The following RYR2 variants were observed in gnomAD, a reference collection of about 807,000 sequenced individuals.
The protein encoded by RYR2 is cardiac muscle ryanodine receptor-calcium release channel.
Under a neutral mutation model 601.1 loss-of-function variants are expected in RYR2, and 227 were observed. That is an observed-to-expected ratio of 0.38 (90% confidence interval 0.34 to 0.42). RYR2 has a LOEUF of 0.42. RYR2 is among the 10% of genes least tolerant of loss of function. RYR2 has a pLI of 1.00. For missense variants in RYR2, 4,646 were observed against 6,156.5 expected (o/e 0.75, Z 8.21); for synonymous variants, 2,223 against 2,175.1 (o/e 1.02, Z -0.61).
chr1:237,456,598 A>G lies in RYR2; in HGVS notation c.1477-2A>G. 1 of 1,491,140 alleles carries G rather than the reference A, an allele frequency of 6.7e-7. No individual in the cohort carries two copies. Among genetic ancestry groups the G allele is most frequent in the Non-Finnish European group, 9.0e-7 (1 of 1,112,240 alleles). 92.4% of individuals were successfully genotyped at this position (1,491,140 alleles called of 1,614,324 possible). A position where few individuals can be genotyped will look rare whatever the true frequency, so the allele number is the denominator to read the frequency against. On this transcript the variant is annotated splice_acceptor_variant, in intron 15 of 104. Coordinates refer to ENST00000366574, the MANE Select transcript of RYR2 (RefSeq NM_001035.3). LOFTEE classifies it high-confidence loss of function. Reference sequence around the variant, plus strand: ...TGATTTTTTTTTTTTTTAACGTTCCAGGGAATGATCAACCTCGTGCTTGAG... The same window carrying G: ...TGATTTTTTTTTTTTTTAACGTTCCGGGGAATGATCAACCTCGTGCTTGAG...
chr1:237,668,758 T>C (rs181427234), intron 58 of RYR2, among the ~76,000 whole-genome samples: 2 of 152,344 alleles, frequency 1.3e-5, no homozygotes, highest in African/African-American at 4.8e-5. Context: ...GGATATTTCA[T>C]GGTGAAAGGT....
intron 99 of RYR2, among the ~76,000 whole-genome samples, chr1:237,808,023 A>G (rs1353774567): frequency 6.6e-6 from 1 of 152,216 alleles, no homozygotes; most frequent in Non-Finnish European, 1.5e-5. Flanking sequence ...ATAGCTATCC[A>G]AAAATTAAAG....
chr1:237,270,664 T>C, intron 2 of RYR2, 48 bp downstream of exon 2: 2 of 1,548,950 alleles, frequency 1.3e-6, no homozygotes, highest in Non-Finnish European at 1.7e-6. Flanking sequence ...GTTTTACTAG[T>C]GGCATTGAAG....
At chr1:237,654,213 TGA>T in intron 51 of RYR2, 59 bp from the exon 52 acceptor site, 1 of 1,555,106 alleles carries the variant, frequency 6.4e-7, no homozygotes. Context: ...TGAGGAGAAA[TGA>T]AAAAAAAATA....
intron 2 of RYR2, among the ~76,000 whole-genome samples, chr1:237,299,826 C>T (rs1004858411): frequency 7.9e-5 from 12 of 152,096 alleles, no homozygotes; most frequent in African/African-American, 1.7e-4. Context: ...CTGTGGATCC[C>T]GGAGATGCTG....
chr1:237,161,132 G>T lies in RYR2; in HGVS notation c.49-109365G>T, dbSNP rs914056764. On this transcript the variant is annotated intron_variant, in intron 1 of 104. Coordinates refer to ENST00000366574, the MANE Select transcript of RYR2 (RefSeq NM_001035.3). ...TGTAGACTCTGCATGCAAATATTATGGGTAAAAAGAACCATTTAAGTATTT... is the reference window on the plus strand; with the variant it reads ...TGTAGACTCTGCATGCAAATATTATTGGTAAAAAGAACCATTTAAGTATTT... 7.7e-4 allele frequency among the ~76,000 whole-genome samples: 117 copies of T among 152,048 alleles called. 1 individual carries two copies. Among genetic ancestry groups the T allele is most frequent in the Non-Finnish European group, 1.6e-4 (11 of 67,980 alleles).
intron 4 of RYR2, among the ~76,000 whole-genome samples, chr1:237,363,411 T>C (rs1039397477): frequency 7.9e-5 from 12 of 152,074 alleles, no homozygotes; most frequent in African/African-American, 2.9e-4. Context: ...GAATTTCCCT[T>C]TAATAATATA....
chr1:237,694,529 A>G (rs958500832), intron 63 of RYR2, among the ~76,000 whole-genome samples: 1 of 152,106 alleles, frequency 6.6e-6, no homozygotes, highest in African/African-American at 2.4e-5. Context: ...TATTTCCTGG[A>G]TTTAACTTAT....
At chr1:237,483,380 C>T (rs931406134) in intron 17 of RYR2, among the ~76,000 whole-genome samples, 9 of 152,152 alleles carry the variant, frequency 5.9e-5, no homozygotes, top group African/African-American at 2.2e-4. Context: ...ACATGTATTG[C>T]TATTCATAAC....
intron 92 of RYR2, among the ~76,000 whole-genome samples, 186 bp from the exon 93 acceptor site, chr1:237,791,243 T>C (rs192116768): frequency 2.6e-5 from 4 of 152,334 alleles, no homozygotes; most frequent in Non-Finnish European, 4.4e-5. Context: ...TTTTTATTCT[T>C]TGTCTCCTCC....
chr1:237,573,848 TC>T (rs769946630), intron 29 of RYR2, among the ~76,000 whole-genome samples: 1 of 151,836 alleles, frequency 6.6e-6, no homozygotes, highest in Non-Finnish European at 1.5e-5. Context: ...CTGTTAGGTC[TC>T]TTCTAAGGGG....
intron 27 of RYR2, among the ~76,000 whole-genome samples, chr1:237,554,713 T>C (rs1670715625): frequency 6.6e-6 from 1 of 152,004 alleles, no homozygotes; most frequent in African/African-American, 2.4e-5. Context: ...CTTTGATAAA[T>C]TATGTTTTTC....
At chr1:237,222,884 A>G (rs1319454849) in intron 1 of RYR2, among the ~76,000 whole-genome samples, 1 of 152,126 alleles carries the variant, frequency 6.6e-6, no homozygotes, top group African/African-American at 2.4e-5. Context: ...TGACCAACAT[A>G]GAGAAACCCT....
intron 6 of RYR2, among the ~76,000 whole-genome samples, chr1:237,370,220 C>A (rs1385363540): frequency 1.3e-5 from 2 of 151,854 alleles, no homozygotes; most frequent in African/African-American, 4.8e-5. Context: ...ATACAGCTGA[C>A]CCTTGAACAA....
In RYR2 at chr1:237,582,923, G is replaced by GATATATATATATAT. The variant is rs71180101; in HGVS notation, c.3599-6866_3599-6853dup. ...TGGTAGGATGATCTATTTTCTTTTG[G>GATATATATATATAT]ATATATATATATATATACCCAGTAA... On this transcript the variant is annotated intron_variant, in intron 29 of 104. Transcript: ENST00000366574. 8.9e-3 allele frequency among the ~76,000 whole-genome samples: 1,189 copies of GATATATATATATAT among 133,124 alleles called. 17 individuals are homozygous for GATATATATATATAT. Among genetic ancestry groups the GATATATATATATAT allele is most frequent in the East Asian group, 0.042 (133 of 3,172 alleles). 87.3% of individuals were successfully genotyped at this position (133,124 alleles called of 152,430 possible).
chr1:237,343,217 T>C (rs1036229783), intron 3 of RYR2, among the ~76,000 whole-genome samples: 3 of 150,994 alleles, frequency 2.0e-5, no homozygotes, highest in Admixed American at 6.6e-5. Context: ...AGCGAGATGC[T>C]GTCTCAAAAA....
rs1369693872 is a variant in RYR2, at chr1:237,778,780, C to CT, written c.11880+11dup. On this transcript the variant is annotated intron_variant, in intron 88 of 104. Transcript: ENST00000366574. The stretch of plus-strand genomic sequence containing the variant: ...GATGAAGCTGTCGCAGGTAAACTAA[C>CT]TAACTGCCTTCCTCTCTCTTAAATG... 2 of 1,410,276 alleles carry CT rather than the reference C, an allele frequency of 1.4e-6. No homozygotes were observed. The highest frequency in any genetic ancestry group is 2.0e-6 in the Non-Finnish European group (2 of 994,280). 87.4% of individuals were successfully genotyped at this position (1,410,276 alleles called of 1,614,324 possible).
intron 25 of RYR2, among the ~76,000 whole-genome samples, chr1:237,530,802 C>T (rs746557280): frequency 9.2e-5 from 14 of 151,766 alleles, no homozygotes; most frequent in Non-Finnish European, 1.9e-4. Flanking sequence ...CCCAGCTACT[C>T]GGGAGGCTGA....
chr1:237,759,548 G>T (rs1328727157), intron 82 of RYR2, among the ~76,000 whole-genome samples: 1 of 152,126 alleles, frequency 6.6e-6, no homozygotes, highest in Non-Finnish European at 1.5e-5. Context: ...GACATTTTTG[G>T]TGCTTGTGGT....
Sources: allele counts gnomAD v4.1 joint callset (sites outside exome capture counted in the v4.1 genomes callset), GRCh38; gene constraint gnomAD v4.1.1; transcripts MANE v1.5; gene names NCBI Gene and HGNC (gene_info 2026-07-23, HGNC 2026-07-21).